Variants in TCF12 observed in about 807,000 individuals in gnomAD.
TCF12 encodes transcription factor 12.
A neutral mutation model predicts 86.0 loss-of-function variants in TCF12; 45 were observed. The ratio of observed to expected loss-of-function variants is 0.52; its 90% CI spans 0.41 to 0.67. TCF12 has a LOEUF of 0.67. Ranked by LOEUF, TCF12 falls within the 30% of genes least tolerant of loss-of-function variation. The pLI, the probability that TCF12 is intolerant of heterozygous loss-of-function variation, is 0.00. For missense variants in TCF12, 881 were observed against 859.9 expected (o/e 1.02, Z -0.31); for synonymous variants, 330 against 299.6 (o/e 1.10, Z -1.05).
intron 5 of TCF12, among the ~76,000 whole-genome samples, chr15:57,140,363 G>A (rs745633374): frequency 8.5e-5 from 13 of 152,170 alleles, no homozygotes; most frequent in Admixed American, 2.0e-4. Context: ...AGTACCTAGA[G>A]TAGTCAGATT....
chr15:57,049,503 C>G (rs1402358681), intron 3 of TCF12, among the ~76,000 whole-genome samples: 1 of 152,202 alleles, frequency 6.6e-6, no homozygotes, highest in Admixed American at 6.5e-5. Flanking sequence ...GCTGCTTTTG[C>G]TCACAAGATT....
chr15:57,047,956 G>A (rs536579779), intron 3 of TCF12, among the ~76,000 whole-genome samples: 43 of 152,150 alleles, frequency 2.8e-4, no homozygotes. Flanking sequence ...ACAGTGGGCA[G>A]TTGTAACACA....
intron 5 of TCF12, among the ~76,000 whole-genome samples, chr15:57,143,969 G>C (rs2053180023): frequency 6.6e-6 from 1 of 152,146 alleles, no homozygotes; most frequent in African/African-American, 2.4e-5. Flanking sequence ...CTTTTAGGAG[G>C]CTCTGCTTTT....
At chr15:57,050,842 G>T (rs541765257) in intron 3 of TCF12, among the ~76,000 whole-genome samples, 2 of 152,250 alleles carry the variant, frequency 1.3e-5, no homozygotes, top group Non-Finnish European at 2.9e-5. Flanking sequence ...GTGCTTGTCA[G>T]TGCTAGAATT....
chr15:57,261,188 A>G (rs1215991479), intron 16 of TCF12, among the ~76,000 whole-genome samples: 1 of 152,220 alleles, frequency 6.6e-6, no homozygotes, highest in African/African-American at 2.4e-5. Context: ...TAACTATTAA[A>G]TTAAATTTTA....
chr15:57,203,793 CAGG>C (rs2057674349), intron 8 of TCF12, among the ~76,000 whole-genome samples: 1 of 152,138 alleles, frequency 6.6e-6, no homozygotes, highest in Non-Finnish European at 1.5e-5. Flanking sequence ...AGTCCCAAGG[CAGG>C]AGGATCACTT....
intron 17 of TCF12, 71 bp downstream of exon 17, chr15:57,262,279 C>G: frequency 9.1e-7 from 1 of 1,099,766 alleles, no homozygotes; most frequent in Non-Finnish European, 1.3e-6. Context: ...ACCTTTCTCA[C>G]AGCTGGATTG....
At chr15:57,283,999 T>TC (rs1256888982) in intron 20 of TCF12, among the ~76,000 whole-genome samples, 1 of 152,038 alleles carries the variant, frequency 6.6e-6, no homozygotes, top group East Asian at 1.9e-4. Flanking sequence ...TCAAACTACC[T>TC]CCCCCACAAA....
chr15:57,030,663 A>C (rs1212241989), intron 3 of TCF12, among the ~76,000 whole-genome samples: 2 of 152,098 alleles, frequency 1.3e-5, no homozygotes, highest in East Asian at 3.9e-4. Context: ...AAACTCAAAC[A>C]CTATAGAAAT....
At chr15:57,071,233 C>T (rs372678624) in intron 4 of TCF12, among the ~76,000 whole-genome samples, 4 of 150,056 alleles carry the variant, frequency 2.7e-5, no homozygotes, top group East Asian at 3.9e-4. Flanking sequence ...AAAATGAGAC[C>T]CCCTCTCTAC....
chr15:57,289,536 T>G lies in TCF12; in HGVS notation c.*3391T>G, dbSNP rs2062035625. On this transcript the variant is annotated 3_prime_UTR_variant, in exon 21 of 21. Transcript: ENST00000333725. ...TTCATTTTCTTCCATATTTGTTTTA[T>G]TTCATTTTTCTTTTCTATAGTTCAT... is the stretch of plus-strand genomic sequence containing the variant. 1 of 152,212 alleles carries G rather than the reference T, an allele frequency of 6.6e-6. No homozygotes were observed. The highest frequency in any genetic ancestry group is 2.4e-5 in the African/African-American group (1 of 41,462). 9.4% of individuals were successfully genotyped at this position (152,212 alleles called of 1,614,324 possible).
chr15:57,275,327 G>GGTGTGTGTGTGTGTGTGTGTGTGTGTGT (rs1171707504), intron 19 of TCF12, among the ~76,000 whole-genome samples: 1,565 of 64,008 alleles, frequency 0.024, 150 homozygotes, highest in Non-Finnish European at 0.029. Flanking sequence ...GTAAGGTAGG[G>GGTGTGTGTGTGTGTGTGTGTGTGTGTGT]GTGTGTGTGT....
chr15:56,946,672 G>C (rs1367622706), intron 3 of TCF12, among the ~76,000 whole-genome samples: 1 of 151,614 alleles, frequency 6.6e-6, no homozygotes, highest in African/African-American at 2.4e-5. Flanking sequence ...TTGAGTGTTT[G>C]GATTTTGTCA....
chr15:57,070,817 C>T (rs1596380092), intron 4 of TCF12, among the ~76,000 whole-genome samples: 1 of 152,188 alleles, frequency 6.6e-6, no homozygotes, highest in African/African-American at 2.4e-5. Context: ...CAGGGTCATA[C>T]TGGCTGGAGG....
intron 5 of TCF12, among the ~76,000 whole-genome samples, chr15:57,095,705 C>T (rs1275150603): frequency 6.6e-6 from 1 of 151,988 alleles, no homozygotes; most frequent in African/African-American, 2.4e-5. Flanking sequence ...TGTGGTGGTA[C>T]AGGGGGAAAT....
intron 5 of TCF12, among the ~76,000 whole-genome samples, chr15:57,154,496 T>G (rs1290978989): frequency 6.6e-6 from 1 of 152,198 alleles, no homozygotes; most frequent in Non-Finnish European, 1.5e-5. Flanking sequence ...ATATCTACCC[T>G]TTTTCCTCTA....
At chr15:57,219,665 A>G (rs1358493667) in intron 8 of TCF12, 2 of 1,409,002 alleles carry the variant, frequency 1.4e-6, no homozygotes, top group African/African-American at 1.4e-5. Flanking sequence ...GCTTTTTACT[A>G]AAATCTGTGA....
rs182485409 is a variant in TCF12 at position 57,103,798 on chromosome 15, A to G, written c.325+11907A>G. Reference sequence around the variant, plus strand: ...GAGAGGTGGATCACTTGAGGTCAGGAGTTCGAGACCAGCCTGGCTAACATG... The same window carrying G: ...GAGAGGTGGATCACTTGAGGTCAGGGGTTCGAGACCAGCCTGGCTAACATG... On this transcript the variant is annotated intron_variant, in intron 5 of 20. Coordinates refer to ENST00000333725, the MANE Select transcript of TCF12 (RefSeq NM_207037.2). Among the ~76,000 whole-genome samples the G allele has an allele frequency of 3.1e-4, 47 of 152,318 alleles. No homozygotes were observed. The East Asian group carries it at 8.1e-3, about 26-fold the overall frequency.
At chr15:57,261,765 T>TATTAATAGACCC (rs6145574) in intron 16 of TCF12, among the ~76,000 whole-genome samples, 4 of 151,760 alleles carry the variant, frequency 2.6e-5, no homozygotes, top group African/African-American at 9.7e-5. Context: ...TCAGATTGAT[T>TATTAATAGACCC]TATAATACGT....
Sources: allele counts gnomAD v4.1 joint callset (sites outside exome capture counted in the v4.1 genomes callset), GRCh38; gene constraint gnomAD v4.1.1; transcripts MANE v1.5; gene names NCBI Gene and HGNC (gene_info 2026-07-23, HGNC 2026-07-21).